The following GATAD2A variants were observed in gnomAD, a reference collection of about 807,000 sequenced individuals.
The protein encoded by GATAD2A is GATA zinc finger domain containing 2A.
In GATAD2A, 12 loss-of-function variants were observed where a neutral mutation model predicts 68.5. The ratio of observed to expected loss-of-function variants is 0.18; its 90% CI spans 0.11 to 0.28. The LOEUF (loss-of-function observed/expected upper bound fraction) is 0.28. Ranked by LOEUF, GATAD2A falls within the 10% of genes least tolerant of loss-of-function variation. GATAD2A has a pLI of 1.00. For missense variants in GATAD2A, 755 were observed against 868.5 expected, an observed-to-expected ratio of 0.87 and a Z score of 1.64; for synonymous variants, 410 against 375.3, an observed-to-expected ratio of 1.09 and a Z score of -1.07.
In GATAD2A at chr19:19,502,442, AG is replaced by A; in HGVS notation, c.1692del (p.Thr565ProfsTer9). The A allele has an allele frequency of 6.2e-7, 1 of 1,613,670 alleles. No homozygotes were observed. Among genetic ancestry groups the A allele is most frequent in the Non-Finnish European group, 8.5e-7 (1 of 1,179,910 alleles). ...NSASATALVS[R>X]TGRHSERTVS... is the part of the protein sequence containing the mutation. ...AGCCTCGGCCACAGCCCTGGTCAGC[AG>A]GACCGGCAGACATTCTGAGAGAACC... On this transcript the variant is annotated frameshift_variant, in exon 11 of 12. Transcript: ENST00000683918. LOFTEE classifies it high-confidence loss of function.
chr19:19,422,492 C>G (rs1364756010), intron 1 of GATAD2A, among the ~76,000 whole-genome samples: 1 of 152,208 alleles, frequency 6.6e-6, no homozygotes, highest in Non-Finnish European at 1.5e-5. Flanking sequence ...TCTGTGACAT[C>G]TAAGACTTCA....
chr19:19,504,710 C>T (rs901673720), intron 11 of GATAD2A, among the ~76,000 whole-genome samples: 2 of 148,496 alleles, frequency 1.3e-5, no homozygotes, highest in Non-Finnish European at 3.0e-5. Context: ...TGCAGTAGCG[C>T]GATCATAGCT....
intron 2 of GATAD2A, among the ~76,000 whole-genome samples, chr19:19,485,233 T>C (rs560782920): frequency 1.8e-4 from 27 of 152,342 alleles, no homozygotes; most frequent in African/African-American, 5.0e-4. Flanking sequence ...TACAGTGATA[T>C]GGGTTAGCTC....
At chr19:19,398,928 G>C (rs1472888019) in intron 1 of GATAD2A, among the ~76,000 whole-genome samples, 1 of 152,008 alleles carries the variant, frequency 6.6e-6, no homozygotes, top group Non-Finnish European at 1.5e-5. Flanking sequence ...GCACAGTGGC[G>C]GGCGCCTGTA....
intron 1 of GATAD2A, among the ~76,000 whole-genome samples, chr19:19,387,050 C>T (rs917421145): frequency 2.6e-5 from 4 of 152,196 alleles, no homozygotes; most frequent in African/African-American, 4.8e-5. Context: ...AGACCCTCTG[C>T]CTCTCTGAGG....
At chr19:19,480,170 A>G (rs967553529) in intron 2 of GATAD2A, among the ~76,000 whole-genome samples, 1 of 152,100 alleles carries the variant, frequency 6.6e-6, no homozygotes, top group Non-Finnish European at 1.5e-5. Context: ...TGTCTGCATA[A>G]ATTATTTGGG....
Position 19,506,846 on chromosome 19 carries a change from T to C in GATAD2A, c.*1372T>C, listed in dbSNP as rs6626. ...TGTCTCCATGAGTTCTGGGCTCCAC[T>C]GGTTCCAATTGAGCTCCAGCCCTGG... is the stretch of plus-strand genomic sequence containing the variant. On this transcript the variant is annotated 3_prime_UTR_variant, in exon 12 of 12. Transcript: ENST00000683918. 65,354 of 151,972 alleles carry C rather than the reference T, an allele frequency of 0.43. 15,430 individuals carry two copies. The highest frequency in any genetic ancestry group is 0.62 in the African/African-American group (25,793 of 41,436). The allele number at this position is 151,972 out of a possible 1,614,324, so 9.4% of individuals were successfully genotyped here.
intron 8 of GATAD2A, among the ~76,000 whole-genome samples, chr19:19,500,395 G>T (rs1390409765): frequency 6.7e-6 from 1 of 148,222 alleles, no homozygotes; most frequent in Non-Finnish European, 1.5e-5. Context: ...CCCAGCCCCT[G>T]CAGTCCTCTG....
intron 1 of GATAD2A, among the ~76,000 whole-genome samples, chr19:19,453,722 G>A (rs1330898787): frequency 6.6e-6 from 1 of 151,576 alleles, no homozygotes; most frequent in Non-Finnish European, 1.5e-5. Context: ...CGTCGCCCAG[G>A]CTGGAGCGCA....
At chr19:19,434,958 C>T in intron 1 of GATAD2A, 1 of 371,196 alleles carries the variant, frequency 2.7e-6, no homozygotes, top group Non-Finnish European at 5.9e-6. Flanking sequence ...CTAGCACTGC[C>T]TTCACCAGGA....
intron 1 of GATAD2A, among the ~76,000 whole-genome samples, chr19:19,447,191 G>C (rs2055828344): frequency 1.3e-5 from 2 of 152,180 alleles, no homozygotes; most frequent in Middle Eastern, 3.2e-3. Context: ...GAGGGGAAGC[G>C]TTTCTCACTT....
At chr19:19,440,184 A>G (rs1037538590) in intron 1 of GATAD2A, 1 of 415,194 alleles carries the variant, frequency 2.4e-6, no homozygotes, top group Non-Finnish European at 4.8e-6. Flanking sequence ...ATGTAAAGGA[A>G]GAAGAGATGG....
intron 1 of GATAD2A, among the ~76,000 whole-genome samples, chr19:19,416,853 C>T (rs1415673697): frequency 2.0e-5 from 3 of 151,880 alleles, no homozygotes; most frequent in Non-Finnish European, 2.9e-5. Context: ...ACCTTGTCTC[C>T]AGGGTCCAAG....
intron 1 of GATAD2A, among the ~76,000 whole-genome samples, chr19:19,420,315 G>T (rs1431035390): frequency 7.5e-6 from 1 of 133,864 alleles, no homozygotes; most frequent in African/African-American, 2.8e-5. Flanking sequence ...GAGCCGTCGC[G>T]CCCAGCCCAT....
chr19:19,399,827 C>T (rs913981952), intron 1 of GATAD2A, among the ~76,000 whole-genome samples: 7 of 152,030 alleles, frequency 4.6e-5, no homozygotes, highest in Non-Finnish European at 8.8e-5. Flanking sequence ...GCAGATCTGC[C>T]ATTTAACAAA....
Position 19,429,346 on chromosome 19 carries a change from C to T in GATAD2A, c.-7+23327C>T, listed in dbSNP as rs945385095. On this transcript the variant is annotated intron_variant, in intron 1 of 11. Coordinates refer to ENST00000683918, the MANE Select transcript of GATAD2A (RefSeq NM_001384528.1). ...CTCCTGGCCATGGGAACGGTGCGTG[C>T]AAAGGTCTGGCACGGGGAGTAGGCA... is the stretch of plus-strand genomic sequence containing the variant. 3 of 502,212 alleles carry T rather than the reference C, an allele frequency of 6.0e-6. No homozygotes were observed. The African/African-American group carries it at 6.3e-5, about 11-fold the overall frequency. 31.1% of individuals were successfully genotyped at this position (502,212 alleles called of 1,614,324 possible).
chr19:19,462,717 C>T (rs952827745), intron 1 of GATAD2A, among the ~76,000 whole-genome samples: 1 of 152,240 alleles, frequency 6.6e-6, no homozygotes, highest in Non-Finnish European at 1.5e-5. Flanking sequence ...CTCCATCCTG[C>T]ATCTCTCAGA....
upstream of GATAD2A, among the ~76,000 whole-genome samples, chr19:19,400,868 C>G (rs990489142): frequency 1.2e-4 from 19 of 152,126 alleles, no homozygotes; most frequent in Middle Eastern, 3.4e-3. Flanking sequence ...GAAAGTAGGG[C>G]CCGATGTGGT....
chr19:19,392,609 C>T (rs2048929193), intron 1 of GATAD2A, among the ~76,000 whole-genome samples: 1 of 151,500 alleles, frequency 6.6e-6, no homozygotes, highest in East Asian at 2.0e-4. Context: ...CCAAGCTGGT[C>T]TCGAATCCCT....
Sources: gnomAD v4.1 joint callset for allele counts (sites outside exome capture counted in the v4.1 genomes callset) on GRCh38, gnomAD v4.1.1 for gene constraint, MANE v1.5 for transcripts, NCBI Gene and HGNC (gene_info 2026-07-23, HGNC 2026-07-21) for gene names.